WDR4: variants seen among roughly 807,000 people sequenced by gnomAD.
The protein encoded by WDR4 is WDR4 tRNA N7-guanosine methyltransferase non-catalytic subunit.
A neutral mutation model predicts 48.6 loss-of-function variants in WDR4; 47 were observed. The observed-to-expected ratio is 0.97, with a 90% CI of 0.77 to 1.23. The LOEUF (loss-of-function observed/expected upper bound fraction) is 1.23, where lower values mean the gene tolerates loss of function less well. Ranked by LOEUF, WDR4 falls within the 50% of genes most tolerant of loss-of-function variation. The pLI is 0.00. For synonymous variants in WDR4, 268 were observed against 230.0 expected (o/e 1.17, Z -1.49); for missense variants, 606 against 551.6 (o/e 1.10, Z -0.99).
At chr21:42,856,508 A>G (rs1308359278) in intron 6 of WDR4, among the ~76,000 whole-genome samples, 1 of 152,064 alleles carries the variant, frequency 6.6e-6, no homozygotes, top group African/African-American at 2.4e-5. Flanking sequence ...AGGCCCAGGC[A>G]ATCCTCCCGC....
intron 6 of WDR4, among the ~76,000 whole-genome samples, chr21:42,857,917 C>A (rs2146026422): frequency 6.6e-6 from 1 of 152,096 alleles, no homozygotes; most frequent in South Asian, 2.1e-4. Flanking sequence ...CTGGCAAAAC[C>A]CCATCACTAC....
At position 42,850,174 on chromosome 21, in the gene WDR4, G is replaced by C. The variant is rs764221153; in HGVS notation, c.1114C>G (p.Leu372Val). 3.7e-6 allele frequency: 6 copies of C among 1,613,946 alleles called. No individual in the cohort carries two copies. Among genetic ancestry groups the C allele is most frequent in the East Asian group, 2.2e-5 (1 of 44,888 alleles). ...KATFDNVTSY[L>V]KKKEERLQQQ... ...TGCAGTCTCTCCTCTTTCTTCTTCA[G>C]GTAGGAGGTCACGTTGTCGAACGTG... The change falls in exon 11 of 11, where the codon CTG becomes GTG. Residue 372 changes from leucine to valine, a missense_variant. Coordinates refer to ENST00000398208, the MANE Select transcript of WDR4 (RefSeq NM_018669.6).
intron 7 of WDR4, 83 bp from the exon 8 acceptor site, chr21:42,854,709 G>A (rs747656609): frequency 9.8e-5 from 132 of 1,344,552 alleles, no homozygotes; most frequent in Non-Finnish European, 1.2e-4. Flanking sequence ...GAGCAAGACC[G>A]AAGGACGCTC....
the WDR4 span, among the ~76,000 whole-genome samples, chr21:42,888,318 G>A: frequency 6.6e-6 from 1 of 152,090 alleles, no homozygotes; most frequent in Non-Finnish European, 1.5e-5. Context: ...CAGCACTTTG[G>A]GAGGCCAAGG....
Position 42,879,420 on chromosome 21 carries a change from A to G in WDR4, c.76T>C (p.Ser26Pro). ...VRGGSRFLAT[S>P]IASSDDDSLF... ...AGGCCCCCTCACCTGCTTGCTATGGAGGTGGCCAGGAATCGGCTGCCGCCC... is the reference window on the plus strand; with the variant it reads ...AGGCCCCCTCACCTGCTTGCTATGGGGGTGGCCAGGAATCGGCTGCCGCCC... Residue 26 changes from serine to proline, a missense_variant, in exon 1 of 11, where the codon TCC becomes CCC. Transcript: ENST00000398208. 1 of 1,613,702 alleles carries G rather than the reference A, an allele frequency of 6.2e-7. No homozygotes were observed. The highest frequency in any genetic ancestry group is 1.3e-5 in the African/African-American group (1 of 74,996).
At chr21:42,853,122 ACT>A (rs2057880142) in intron 9 of WDR4, among the ~76,000 whole-genome samples, 1 of 151,810 alleles carries the variant, frequency 6.6e-6, no homozygotes, top group Non-Finnish European at 1.5e-5. Context: ...CAGAGACCCC[ACT>A]GTCTCCCCAG....
chr21:42,876,795 A>G, intron 1 of WDR4, 28 bp from the exon 2 acceptor site: 1 of 1,592,740 alleles, frequency 6.3e-7, no homozygotes. Flanking sequence ...TAATTTTAAA[A>G]GGAGTTATCA....
intron 3 of WDR4, among the ~76,000 whole-genome samples, chr21:42,871,197 T>C (rs1030241438): frequency 6.6e-6 from 1 of 152,238 alleles, no homozygotes; most frequent in African/African-American, 2.4e-5. Context: ...AGCCCTGTCC[T>C]GCCAGCCCCT....
At chr21:42,867,111 C>A (rs1357999167) in intron 3 of WDR4, among the ~76,000 whole-genome samples, 1 of 152,218 alleles carries the variant, frequency 6.6e-6, no homozygotes, top group African/African-American at 2.4e-5. Context: ...CAAGAGCAGG[C>A]CGGGCGCAGT....
upstream of WDR4, among the ~76,000 whole-genome samples, chr21:42,883,211 A>G (rs1395503206): frequency 1.2e-4 from 18 of 145,022 alleles, no homozygotes; most frequent in African/African-American, 3.8e-4. Context: ...GGAGGTGGAG[A>G]TTGCAGTGAG....
At chr21:42,846,397 G>A (rs1003880332), downstream of WDR4, among the ~76,000 whole-genome samples, 2 of 152,190 alleles carry the variant, frequency 1.3e-5, no homozygotes, top group Non-Finnish European at 2.9e-5. Context: ...TGCCTGTGCA[G>A]TGCCTAGAAG....
downstream of WDR4, among the ~76,000 whole-genome samples, chr21:42,847,203 G>T (rs2057718404): frequency 6.6e-6 from 1 of 152,210 alleles, no homozygotes; most frequent in African/African-American, 2.4e-5. Context: ...AAACAGGGTG[G>T]CGACATCTCA....
At chr21:42,878,744 A>G (rs2146118586) in intron 1 of WDR4, among the ~76,000 whole-genome samples, 1 of 152,296 alleles carries the variant, frequency 6.6e-6, no homozygotes, top group Admixed American at 6.5e-5. Context: ...CGATACACTA[A>G]GGAAGGAGAA....
chr21:42,884,603 C>T, the WDR4 span, among the ~76,000 whole-genome samples: 13 of 151,510 alleles, frequency 8.6e-5, no homozygotes, highest in South Asian at 1.5e-3. Flanking sequence ...GCCGAGATCA[C>T]GCCATTGCAC....
chr21:42,852,465 G>C (rs2057859039), intron 9 of WDR4, 141 bp from the exon 10 acceptor site: 1 of 862,334 alleles, frequency 1.2e-6, no homozygotes. Context: ...ACCTTCTGTG[G>C]AGACCTGGGG....
intron 3 of WDR4, among the ~76,000 whole-genome samples, chr21:42,871,908 C>T (rs1436020208): frequency 6.6e-6 from 1 of 152,090 alleles, no homozygotes; most frequent in African/African-American, 2.4e-5. Flanking sequence ...AATGATGCAG[C>T]GTTTCAGGGC....
At chr21:42,885,673 G>T in the WDR4 span, among the ~76,000 whole-genome samples, 1 of 152,166 alleles carries the variant, frequency 6.6e-6, no homozygotes, top group South Asian at 2.1e-4. Flanking sequence ...TCCCTGCTAG[G>T]ATATTGATTA....
At chr21:42,845,115 C>T (rs972818157), downstream of WDR4, among the ~76,000 whole-genome samples, 3 of 152,226 alleles carry the variant, frequency 2.0e-5, no homozygotes, top group African/African-American at 7.2e-5. Context: ...CACATATCTG[C>T]ACGTGCACAT....
chr21:42,849,956 C>G lies in WDR4; in HGVS notation c.*93G>C. 6.6e-7 allele frequency: 1 copy of G among 1,521,682 alleles called. No homozygotes were observed. The allele number at this position is 1,521,682 out of a possible 1,614,324, so 94.3% of individuals were successfully genotyped here. On this transcript the variant is annotated 3_prime_UTR_variant, in exon 11 of 11. Coordinates refer to ENST00000398208, the MANE Select transcript of WDR4 (RefSeq NM_018669.6). Reference sequence around the variant, plus strand: ...CTGAGCTGGTCACAACTGATGTCACCTTTTCCTTCTTGAAGGGACATGCCA... The same window carrying G: ...CTGAGCTGGTCACAACTGATGTCACGTTTTCCTTCTTGAAGGGACATGCCA...
Sources: allele counts gnomAD v4.1 joint callset (sites outside exome capture counted in the v4.1 genomes callset), GRCh38; gene constraint gnomAD v4.1.1; transcripts MANE v1.5; gene names NCBI Gene and HGNC (gene_info 2026-07-23, HGNC 2026-07-21).